DUSP14: variants seen among roughly 807,000 people sequenced by gnomAD.
DUSP14 encodes the protein dual specificity phosphatase 14, also known as dual specificity protein phosphatase 14.
A neutral mutation model predicts 13.2 loss-of-function variants in DUSP14; 5 were observed. The observed-to-expected ratio is 0.38, with a 90% CI of 0.20 to 0.80. The LOEUF (loss-of-function observed/expected upper bound fraction) is 0.80. Among genes scored for constraint, DUSP14 ranks in the 30% least tolerant of loss-of-function variants. The pLI is 0.44. For missense variants in DUSP14, 185 were observed against 264.0 expected (o/e 0.70, Z 2.07); for synonymous variants, 91 against 103.4 (o/e 0.88, Z 0.73).
intron 1 of DUSP14, among the ~76,000 whole-genome samples, chr17:37,493,780 G>C (rs960943089): frequency 6.6e-6 from 1 of 150,568 alleles, no homozygotes; most frequent in African/African-American, 2.5e-5. Context: ...TAAGGCTCTT[G>C]AATGAATCCT....
At chr17:37,495,236 G>A (rs761657998) in intron 1 of DUSP14, among the ~76,000 whole-genome samples, 1 of 152,218 alleles carries the variant, frequency 6.6e-6, no homozygotes, top group Non-Finnish European at 1.5e-5. Flanking sequence ...TGAGATCACA[G>A]CCATGCCCTT....
At chr17:37,501,904 T>C (rs998351258) in intron 1 of DUSP14, among the ~76,000 whole-genome samples, 3 of 152,206 alleles carry the variant, frequency 2.0e-5, no homozygotes, top group Non-Finnish European at 2.9e-5. Context: ...ACTCAGGTTT[T>C]CAGTACTATG....
intron 1 of DUSP14, among the ~76,000 whole-genome samples, chr17:37,490,701 T>TA (rs34653532): frequency 3.6e-5 from 3 of 83,958 alleles, no homozygotes; most frequent in Non-Finnish European, 5.2e-5. Context: ...CATGCAGAGA[T>TA]TTTTTTTTTT....
chr17:37,490,155 A>AGAGGCCC (rs1267299460), intron 1 of DUSP14, among the ~76,000 whole-genome samples, 197 bp downstream of exon 1: 2 of 149,464 alleles, frequency 1.3e-5, no homozygotes, highest in East Asian at 2.0e-4. Flanking sequence ...CCCGCGGAGG[A>AGAGGCCC]GAGGCCCGAG....
At chr17:37,505,576 C>A (rs1002498666) in intron 1 of DUSP14, among the ~76,000 whole-genome samples, 1 of 149,142 alleles carries the variant, frequency 6.7e-6, no homozygotes, top group Non-Finnish European at 1.5e-5. Flanking sequence ...GTTGACTGAA[C>A]ATGAAAAGAA....
chr17:37,511,468 A>T (rs1480853075), intron 2 of DUSP14, among the ~76,000 whole-genome samples: 1 of 151,552 alleles, frequency 6.6e-6, no homozygotes, highest in Non-Finnish European at 1.5e-5. Context: ...TTTAGTAGAG[A>T]CAGGGTTTCC....
At chr17:37,494,427 G>T (rs554491936) in intron 1 of DUSP14, among the ~76,000 whole-genome samples, 2 of 152,180 alleles carry the variant, frequency 1.3e-5, no homozygotes, top group South Asian at 4.1e-4. Context: ...GCTCAGGCTG[G>T]CCTTGAACTG....
rs2054196742 is a variant in DUSP14, at chr17:37,512,542, T to C, written c.270T>C (p.Phe90=). 6.2e-7 allele frequency: 1 copy of C among 1,614,086 alleles called. No homozygotes were observed. The highest frequency in any genetic ancestry group is 1.3e-5 in the African/African-American group (1 of 74,930). The change falls in exon 3 of 3, where the codon TTT becomes TTC. Residue 90 remains phenylalanine (F), a synonymous_variant. Transcript: ENST00000617516. The surrounding 1 kb of genome is among the most constrained non-coding windows in gnomAD (Gnocchi z 4.8). ...DMPHAPIGLY[F]DTVADKIHSV... is the part of the protein sequence containing the mutation. ...CGCATGCCCCCATTGGACTGTACTT[T>C]GACACCGTGGCTGACAAGATCCACA...
chr17:37,505,131 G>C (rs1481233845), intron 1 of DUSP14, among the ~76,000 whole-genome samples: 1 of 152,036 alleles, frequency 6.6e-6, no homozygotes, highest in East Asian at 1.9e-4. Flanking sequence ...GGGTAGAAAT[G>C]GGGTTTCACC....
chr17:37,499,475 G>C (rs1284055882), intron 1 of DUSP14, among the ~76,000 whole-genome samples: 1 of 152,102 alleles, frequency 6.6e-6, no homozygotes, highest in Non-Finnish European at 1.5e-5. Context: ...AAAGTACTGG[G>C]ATTACAGGTG....
intron 2 of DUSP14, among the ~76,000 whole-genome samples, chr17:37,511,527 C>T (rs974072572): frequency 2.6e-5 from 4 of 151,030 alleles, no homozygotes; most frequent in Admixed American, 2.0e-4. Flanking sequence ...GTGATCCACC[C>T]GCCTCAGCCT....
upstream of DUSP14, among the ~76,000 whole-genome samples, chr17:37,488,947 C>T (rs772898507): frequency 6.6e-6 from 1 of 152,176 alleles, no homozygotes; most frequent in Non-Finnish European, 1.5e-5. Context: ...CGGCGAGGAG[C>T]AGGGGCTGGT....
chr17:37,503,745 A>C (rs1452618838), intron 1 of DUSP14, among the ~76,000 whole-genome samples: 1 of 152,200 alleles, frequency 6.6e-6, no homozygotes, highest in East Asian at 1.9e-4. Flanking sequence ...TTCTGTTTCC[A>C]ACATGGAGAA....
At chr17:37,494,063 G>T (rs182593454) in intron 1 of DUSP14, among the ~76,000 whole-genome samples, 1 of 149,372 alleles carries the variant, frequency 6.7e-6, no homozygotes, top group Non-Finnish European at 1.5e-5. Context: ...GCGCGATCTC[G>T]GCTCACTGCA....
intron 1 of DUSP14, among the ~76,000 whole-genome samples, chr17:37,506,540 C>G (rs2054139181): frequency 6.6e-6 from 1 of 152,178 alleles, no homozygotes; most frequent in Non-Finnish European, 1.5e-5. Flanking sequence ...ATGGCATGTT[C>G]ACTCAGAGAG....
intron 1 of DUSP14, among the ~76,000 whole-genome samples, chr17:37,492,157 C>T (rs762111405): frequency 5.3e-5 from 8 of 152,166 alleles, no homozygotes; most frequent in Non-Finnish European, 7.3e-5. Context: ...GGGCAAATTA[C>T]CCCTTTTAAA....
At chr17:37,500,189 A>G (rs2054096264) in intron 1 of DUSP14, among the ~76,000 whole-genome samples, 1 of 152,252 alleles carries the variant, frequency 6.6e-6, no homozygotes, top group Non-Finnish European at 1.5e-5. Flanking sequence ...TGGGAAATTA[A>G]TTTATTAGTA....
chr17:37,509,141 A>G (rs1457409253), intron 1 of DUSP14, among the ~76,000 whole-genome samples: 1 of 65,982 alleles, frequency 1.5e-5, no homozygotes, highest in Non-Finnish European at 2.7e-5. Context: ...ACACACACAC[A>G]CACACACACA....
chr17:37,505,592 G>A (rs1295804299), intron 1 of DUSP14, among the ~76,000 whole-genome samples: 1 of 150,804 alleles, frequency 6.6e-6, no homozygotes, highest in Non-Finnish European at 1.5e-5. Flanking sequence ...AAGAAAAGCC[G>A]TAGATAGAAT....
Sources: allele counts gnomAD v4.1 joint callset (sites outside exome capture counted in the v4.1 genomes callset), GRCh38; gene constraint gnomAD v4.1.1; non-coding constraint Gnocchi (gnomAD v3.1); transcripts MANE v1.5; gene names NCBI Gene and HGNC (gene_info 2026-07-23, HGNC 2026-07-21).